MTOR: variants seen among roughly 807,000 people sequenced by gnomAD.
MTOR encodes the protein serine/threonine-protein kinase mTOR.
MTOR carries 70 observed loss-of-function variants against 319.8 expected under a neutral mutation model. That is an observed-to-expected ratio of 0.22 (90% CI 0.18 to 0.27). The LOEUF is 0.27. Among genes scored for constraint, MTOR ranks in the 10% least tolerant of loss-of-function variants. MTOR has a pLI of 1.00. For synonymous variants in MTOR, 1,183 were observed against 1,211.4 expected (o/e 0.98, Z 0.49); for missense variants, 1,890 against 3,274.4 (o/e 0.58, Z 10.32).
chr1:11,161,175 C>G (rs1644466148), intron 29 of MTOR, among the ~76,000 whole-genome samples: 1 of 152,210 alleles, frequency 6.6e-6, no homozygotes, highest in Non-Finnish European at 1.5e-5. Context: ...GCCCACGGAG[C>G]CTTGCTCATT....
chr1:11,139,938 T>C (rs950726393), intron 34 of MTOR, among the ~76,000 whole-genome samples: 1 of 152,062 alleles, frequency 6.6e-6, no homozygotes, highest in African/African-American at 2.4e-5. Flanking sequence ...GATCCAACCG[T>C]CTTGGCCTCC....
At position 11,126,990 on chromosome 1, in the gene MTOR, C is replaced by G. The variant is rs2100400470; in HGVS notation, c.6351+20G>C. 6.2e-7 allele frequency: 1 copy of G among 1,613,730 alleles called. No homozygotes were observed. Among genetic ancestry groups the G allele is most frequent in the Non-Finnish European group, 8.5e-7 (1 of 1,179,826 alleles). ...GGACTATAATGACAGTTAACCCTGC[C>G]AGGAGCCTGAAGATCCTACCTGAGG... On this transcript the variant is annotated intron_variant, in intron 45 of 57. Transcript: ENST00000361445.
chr1:11,208,655 T>C (rs1646215971), intron 25 of MTOR, among the ~76,000 whole-genome samples: 1 of 152,232 alleles, frequency 6.6e-6, no homozygotes, highest in African/African-American at 2.4e-5. Context: ...GAAGTAATTA[T>C]GATTATTGTG....
chr1:11,259,534 G>A (rs973460298), intron 1 of MTOR, 111 bp from the exon 2 acceptor site: 2 of 1,166,686 alleles, frequency 1.7e-6, no homozygotes, highest in Non-Finnish European at 2.4e-6. Context: ...TCAGGCAGGG[G>A]ATTCTAAAAA....
chr1:11,218,567 C>T (rs549216057), intron 19 of MTOR, among the ~76,000 whole-genome samples: 5 of 152,022 alleles, frequency 3.3e-5, no homozygotes, highest in Non-Finnish European at 5.9e-5. Context: ...ACAGCGATGG[C>T]GGGGAGGTCA....
intron 49 of MTOR, among the ~76,000 whole-genome samples, chr1:11,119,042 T>C (rs80114034): frequency 6.7e-4 from 102 of 152,088 alleles, no homozygotes; most frequent in African/African-American, 2.4e-3. Flanking sequence ...CTGACTTGGG[T>C]TAAGACTTAA....
intron 25 of MTOR, among the ~76,000 whole-genome samples, chr1:11,206,508 A>T (rs953256525): frequency 6.6e-6 from 1 of 152,256 alleles, no homozygotes; most frequent in Non-Finnish European, 1.5e-5. Flanking sequence ...TCATGGGGTT[A>T]TCATGAAGAT....
Position 11,199,749 on chromosome 1 carries a change from GC to G in MTOR, c.3945-47del. 6.2e-7 allele frequency: 1 copy of G among 1,601,442 alleles called. No homozygotes were observed. On this transcript the variant is annotated intron_variant, in intron 26 of 57. Transcript: ENST00000361445. The surrounding 1 kb of genome is among the most constrained non-coding windows in gnomAD (Gnocchi z 4.5). ...AAATGGAGAGACCTCCCGTGCCTCT[GC>G]CTGCTGCCTCAAAGTCACACCTATC... is the stretch of plus-strand genomic sequence containing the variant.
At position 11,200,644 on chromosome 1, in the gene MTOR, A is replaced by G. The variant is rs867255118; in HGVS notation, c.3945-941T>C. Among the ~76,000 whole-genome samples the G allele has an allele frequency of 4.6e-5, 7 of 152,256 alleles. No homozygotes were observed. The South Asian group carries it at 1.2e-3, about 27-fold the overall frequency. On this transcript the variant is annotated intron_variant, in intron 26 of 57. Coordinates refer to ENST00000361445, the MANE Select transcript of MTOR (RefSeq NM_004958.4). Reference sequence around the variant, plus strand: ...AACAGGTTAAGTTAGACCAATGTGTATAATTTTGGAATTTGATAGAAAAAA... The same window carrying G: ...AACAGGTTAAGTTAGACCAATGTGTGTAATTTTGGAATTTGATAGAAAAAA...
intron 14 of MTOR, among the ~76,000 whole-genome samples, chr1:11,233,689 G>A (rs1355828306): frequency 2.6e-5 from 4 of 152,188 alleles, no homozygotes; most frequent in African/African-American, 9.6e-5. Context: ...GAGAGAGCTG[G>A]GAAGCACCAT....
At chr1:11,193,928 T>C (rs1404185654) in intron 28 of MTOR, among the ~76,000 whole-genome samples, 4 of 127,856 alleles carry the variant, frequency 3.1e-5, no homozygotes, top group Non-Finnish European at 4.8e-5. Flanking sequence ...TGAGGAAAAA[T>C]AGGTATTTTT....
At chr1:11,220,998 A>ATT (rs112822190) in intron 19 of MTOR, among the ~76,000 whole-genome samples, 5 of 145,310 alleles carry the variant, frequency 3.4e-5, no homozygotes, top group Admixed American at 2.1e-4. Context: ...ACAAAAGTTA[A>ATT]TTTTTTTTTT....
chr1:11,135,454 CAGA>C (rs1410344527), intron 36 of MTOR, among the ~76,000 whole-genome samples: 3 of 152,168 alleles, frequency 2.0e-5, no homozygotes, highest in African/African-American at 7.2e-5. Flanking sequence ...TTCTGTGCTG[CAGA>C]AGAAGGAAAA....
At chr1:11,237,764 C>T in intron 13 of MTOR, 79 bp downstream of exon 13, 1 of 1,507,650 alleles carries the variant, frequency 6.6e-7, no homozygotes, top group Non-Finnish European at 9.2e-7. Flanking sequence ...TCCTTGTCCT[C>T]AACTCCGCTT....
At chr1:11,222,272 C>A (rs1646692556) in intron 19 of MTOR, among the ~76,000 whole-genome samples, 1 of 151,932 alleles carries the variant, frequency 6.6e-6, no homozygotes, top group Admixed American at 6.6e-5. Context: ...TCTCGGCTCA[C>A]TGCAAGCTCT....
At position 11,199,817 on chromosome 1, in the gene MTOR, T is replaced by G; in HGVS notation, c.3945-114A>C. The G allele has an allele frequency of 9.6e-7, 1 of 1,044,912 alleles. No individual in the cohort carries two copies. The highest frequency in any genetic ancestry group is 1.4e-6 in the Non-Finnish European group (1 of 713,312). 64.7% of individuals were successfully genotyped at this position (1,044,912 alleles called of 1,614,324 possible). ...CACTGATTTTGGTTATACAAACCAG[T>G]GCTATACAGACCAGTGCTGTCCAAG... On this transcript the variant is annotated intron_variant, in intron 26 of 57. Transcript: ENST00000361445. This position sits in a 1 kb window ranked among gnomAD's most constrained non-coding sequence, Gnocchi z 4.5.
intron 19 of MTOR, among the ~76,000 whole-genome samples, chr1:11,227,693 C>G (rs1478601116): frequency 6.6e-6 from 1 of 152,162 alleles, no homozygotes; most frequent in East Asian, 1.9e-4. Context: ...GGGGAAAATT[C>G]CTCTTCACAG....
At chr1:11,156,771 G>A (rs1048155557) in intron 30 of MTOR, among the ~76,000 whole-genome samples, 2 of 152,112 alleles carry the variant, frequency 1.3e-5, no homozygotes, top group Admixed American at 6.5e-5. Context: ...ACCTGAAGAG[G>A]GCAGTCACTG....
chr1:11,135,220 T>A (rs1643346323), intron 36 of MTOR, among the ~76,000 whole-genome samples: 1 of 152,164 alleles, frequency 6.6e-6, no homozygotes, highest in Non-Finnish European at 1.5e-5. Context: ...AGCATCTTGA[T>A]AAGTGCGGTC....
Sources: allele counts gnomAD v4.1 joint callset (sites outside exome capture counted in the v4.1 genomes callset), GRCh38; gene constraint gnomAD v4.1.1; non-coding constraint Gnocchi (gnomAD v3.1); transcripts MANE v1.5; gene names NCBI Gene and HGNC (gene_info 2026-07-23, HGNC 2026-07-21).